Variants in TGFB2 observed in about 807,000 individuals in gnomAD.
TGFB2 encodes transforming growth factor beta-2 proprotein.
In TGFB2, 13 loss-of-function variants were observed where a neutral mutation model predicts 42.7. The observed-to-expected ratio is 0.30, with a 90% CI of 0.20 to 0.48. The LOEUF is 0.48. Ranked by LOEUF, TGFB2 falls within the 20% of genes least tolerant of loss-of-function variation. TGFB2 has a pLI of 0.99. For missense variants in TGFB2, 390 were observed against 517.5 expected, an observed-to-expected ratio of 0.75 and a Z score of 2.39; for synonymous variants, 193 against 193.6, an observed-to-expected ratio of 1.00 and a Z score of 0.03.
intron 1 of TGFB2, among the ~76,000 whole-genome samples, chr1:218,400,211 CT>C (rs1237683577): frequency 6.6e-6 from 1 of 150,782 alleles, no homozygotes; most frequent in African/African-American, 2.4e-5. Flanking sequence ...TATGGGGTCT[CT>C]TGTTCAAAAA....
intron 2 of TGFB2, among the ~76,000 whole-genome samples, chr1:218,424,810 T>C (rs1223746182): frequency 6.6e-6 from 1 of 152,230 alleles, no homozygotes; most frequent in Non-Finnish European, 1.5e-5. Context: ...CAAAAGTAAA[T>C]AGTTTGCATT....
chr1:218,441,266 A>G lies in TGFB2; in HGVS notation c.1149A>G (p.Gln383=). 11 of 1,613,940 alleles carry G rather than the reference A, an allele frequency of 6.8e-6. No individual in the cohort carries two copies. The highest frequency in any genetic ancestry group is 9.3e-6 in the Non-Finnish European group (11 of 1,179,956). ...CTGCTTCTCCTTGCTGCGTGTCCCA[A>G]GATTTAGAACCTCTAACCATTCTCT... is the stretch of plus-strand genomic sequence containing the variant. ...EASASPCCVS[Q]DLEPLTILYY... is the part of the protein sequence containing the mutation. The change falls in exon 7 of 7, where the codon CAA becomes CAG. Residue 383 remains glutamine (Q), a synonymous_variant. Coordinates refer to ENST00000366930, the MANE Select transcript of TGFB2 (RefSeq NM_003238.6).
intron 2 of TGFB2, among the ~76,000 whole-genome samples, chr1:218,424,834 A>G (rs554749715): frequency 2.0e-5 from 3 of 152,252 alleles, no homozygotes; most frequent in Non-Finnish European, 4.4e-5. Flanking sequence ...AGTAGTGACC[A>G]GAACAAGGGA....
chr1:218,380,291 C>T (rs1043913999), intron 1 of TGFB2, among the ~76,000 whole-genome samples: 5 of 152,140 alleles, frequency 3.3e-5, no homozygotes, highest in Admixed American at 6.5e-5. Context: ...TGTTTGGGGA[C>T]GGACATTCCA....
intron 2 of TGFB2, among the ~76,000 whole-genome samples, chr1:218,428,471 C>T (rs1659697664): frequency 6.6e-6 from 1 of 152,130 alleles, no homozygotes; most frequent in African/African-American, 2.4e-5. Context: ...GGTTTTAGGT[C>T]TAACATTTAA....
At chr1:218,380,999 T>G (rs1004408451) in intron 1 of TGFB2, among the ~76,000 whole-genome samples, 4 of 152,062 alleles carry the variant, frequency 2.6e-5, no homozygotes, top group African/African-American at 4.8e-5. Context: ...GCTGAGAGAG[T>G]TAATTACCCA....
intron 1 of TGFB2, among the ~76,000 whole-genome samples, chr1:218,386,823 C>T (rs4846267): frequency 0.55 from 83,226 of 152,062 alleles, 26,200 homozygotes; most frequent in Non-Finnish European, 0.7. Flanking sequence ...TATAAGCTTA[C>T]GTTTACTGAG....
At chr1:218,417,338 C>T (rs1659315744) in intron 2 of TGFB2, among the ~76,000 whole-genome samples, 1 of 152,178 alleles carries the variant, frequency 6.6e-6, no homozygotes, top group Non-Finnish European at 1.5e-5. Flanking sequence ...AGACAGATGG[C>T]ATTTTGCCCC....
chr1:218,434,544 G>A (rs1659910857), intron 4 of TGFB2, 96 bp downstream of exon 4: 2 of 761,048 alleles, frequency 2.6e-6, no homozygotes, highest in Non-Finnish European at 4.4e-6. Context: ...AAATGAGACT[G>A]GTAAGGCCTG....
At chr1:218,405,485 C>T (rs762388688) in intron 2 of TGFB2, 153 bp downstream of exon 2, 75 of 1,363,114 alleles carry the variant, frequency 5.5e-5, no homozygotes, top group Non-Finnish European at 6.9e-5. Flanking sequence ...TTGCCTCAGC[C>T]TCCCTAGTCA....
chr1:218,405,635 T>G (rs953461131), intron 2 of TGFB2: 3 of 406,646 alleles, frequency 7.4e-6, no homozygotes, highest in Non-Finnish European at 1.4e-5. Context: ...TCAAAAAGTT[T>G]GGGGATTACA....
intron 2 of TGFB2, among the ~76,000 whole-genome samples, chr1:218,426,046 C>T (rs1010324315): frequency 2.0e-5 from 3 of 152,274 alleles, no homozygotes; most frequent in African/African-American, 2.4e-5. Flanking sequence ...ATATTTAAAG[C>T]GTTAAAAACA....
intron 2 of TGFB2, among the ~76,000 whole-genome samples, chr1:218,408,149 T>C (rs973627729): frequency 6.6e-6 from 1 of 152,206 alleles, no homozygotes; most frequent in Admixed American, 6.5e-5. Context: ...TTACCTGTAA[T>C]GGAAGCTGCT....
chr1:218,353,365 G>T (rs1656927877), intron 1 of TGFB2, among the ~76,000 whole-genome samples: 1 of 152,182 alleles, frequency 6.6e-6, no homozygotes, highest in African/African-American at 2.4e-5. Context: ...CACCATGTCT[G>T]GCACTATCCA....
intron 1 of TGFB2, among the ~76,000 whole-genome samples, chr1:218,400,755 G>A (rs1658687808): frequency 6.6e-6 from 1 of 152,192 alleles, no homozygotes; most frequent in Non-Finnish European, 1.5e-5. Flanking sequence ...TTGTGGTGGG[G>A]ACAGCTGCCA....
chr1:218,351,820 G>A (rs1002867816), intron 1 of TGFB2, among the ~76,000 whole-genome samples: 2 of 152,074 alleles, frequency 1.3e-5, no homozygotes, highest in Non-Finnish European at 2.9e-5. Context: ...TAACCTAGTC[G>A]CAGCATCTTT....
chr1:218,356,738 G>A (rs1657047227), intron 1 of TGFB2, among the ~76,000 whole-genome samples: 1 of 152,168 alleles, frequency 6.6e-6, no homozygotes, highest in African/African-American at 2.4e-5. Context: ...CACTTCCACT[G>A]GTTGAAAAGA....
At chr1:218,360,855 A>T (rs765951415) in intron 1 of TGFB2, among the ~76,000 whole-genome samples, 25 of 151,716 alleles carry the variant, frequency 1.6e-4, no homozygotes, top group Admixed American at 6.6e-5. Context: ...TTGAAAACTG[A>T]TTTTTTTTCC....
At chr1:218,391,860 A>G (rs1332414046) in intron 1 of TGFB2, among the ~76,000 whole-genome samples, 1 of 152,252 alleles carries the variant, frequency 6.6e-6, no homozygotes, top group Admixed American at 6.5e-5. Context: ...CACATAAGGA[A>G]GGGGATAGAT....
Sources: gnomAD v4.1 joint callset for allele counts (sites outside exome capture counted in the v4.1 genomes callset) on GRCh38, gnomAD v4.1.1 for gene constraint, MANE v1.5 for transcripts, NCBI Gene and HGNC (gene_info 2026-07-23, HGNC 2026-07-21) for gene names.